The following MTERF4 variants were observed in gnomAD, a reference collection of about 807,000 sequenced individuals.
The protein encoded by MTERF4 is transcription termination factor 4, mitochondrial.
A neutral mutation model predicts 22.5 loss-of-function variants in MTERF4; 17 were observed. The observed-to-expected ratio is 0.75, with a 90% CI of 0.52 to 1.13. MTERF4 has a LOEUF of 1.13. Ranked by LOEUF, MTERF4 falls within the 50% of genes most tolerant of loss-of-function variation. The pLI is 0.00. For missense variants in MTERF4, 420 were observed against 466.8 expected (o/e 0.90, Z 0.92); for synonymous variants, 165 against 175.3 (o/e 0.94, Z 0.47).
chr2:241,082,226 A>T (rs568192989), downstream of MTERF4: 45 of 1,461,276 alleles, frequency 3.1e-5, no homozygotes, highest in South Asian at 5.1e-4. Context: ...CAAGAGGGGC[A>T]GGAGGAGCCG....
chr2:241,061,661 C>T, the MTERF4 span, among the ~76,000 whole-genome samples: 2,282 of 152,018 alleles, frequency 0.015, 68 homozygotes, highest in African/African-American at 0.051. Context: ...CTGAGGCAGG[C>T]GGATCACGAA....
chr2:241,050,688 T>C, the MTERF4 span, among the ~76,000 whole-genome samples: 1 of 152,186 alleles, frequency 6.6e-6, no homozygotes, highest in South Asian at 2.1e-4. Flanking sequence ...ACTGCTTGGT[T>C]CTTTGCAAGC....
At chr2:241,090,294 C>T, downstream of MTERF4, 2 of 1,548,714 alleles carry the variant, frequency 1.3e-6, no homozygotes, top group South Asian at 1.2e-5. Context: ...GCAGGATCAT[C>T]CATGTCACCT....
downstream of MTERF4, chr2:241,093,659 T>C (rs575107798): frequency 3.3e-5 from 5 of 152,296 alleles, no homozygotes; most frequent in South Asian, 1.0e-3. Context: ...GGCTCCTGAG[T>C]CCCAAGTGCT....
At chr2:241,051,801 C>T in the MTERF4 span, 11 of 1,560,748 alleles carry the variant, frequency 7.0e-6, no homozygotes, top group African/African-American at 5.4e-5. This position sits in a 1 kb window ranked among gnomAD's most constrained non-coding sequence, Gnocchi z 4.7. Flanking sequence ...TGCAAGGAGG[C>T]GGGCGGCGAG....
chr2:241,090,739 C>T (rs1273320873), downstream of MTERF4, among the ~76,000 whole-genome samples: 2 of 152,030 alleles, frequency 1.3e-5, no homozygotes, highest in Admixed American at 6.6e-5. Flanking sequence ...TGGTGGTGGG[C>T]ACCTGTAATC....
exon 5 of MTERF4, chr2:241,072,505 G>T: frequency 2.9e-6 from 1 of 340,182 alleles, no homozygotes; most frequent in Admixed American, 4.2e-5. Flanking sequence ...AAGGCCAGGT[G>T]GTCATCCTCA....
chr2:241,053,193 A>G, the MTERF4 span: 3 of 1,611,074 alleles, frequency 1.9e-6, no homozygotes, highest in African/African-American at 1.3e-5. Context: ...AGCACGCCAC[A>G]CTGCGCTTCA....
Position 241,073,117 on chromosome 2 carries a change from C to G in MTERF4, n.3045G>C. 1.6e-6 allele frequency: 1 copy of G among 610,226 alleles called. No individual in the cohort carries two copies. The highest frequency in any genetic ancestry group is 2.8e-5 in the East Asian group (1 of 35,950). 37.8% of individuals were successfully genotyped at this position (610,226 alleles called of 1,614,324 possible). On this transcript the variant is annotated non_coding_transcript_exon_variant, in exon 5 of 5. Transcript: ENST00000464344. This position sits in a 1 kb window ranked among gnomAD's most constrained non-coding sequence, Gnocchi z 6.6. ...CCCTTCAGGGGAGGCAGCTCTGGGG[C>G]CGACAGGTGCTGGGGCCACGCAGGG... is the stretch of plus-strand genomic sequence containing the variant.
At chr2:241,081,674 C>A in intron 4 of MTERF4, 1 of 1,592,422 alleles carries the variant, frequency 6.3e-7, no homozygotes, top group East Asian at 2.3e-5. Context: ...CCTCTGTTTC[C>A]AGACGTCCCT....
chr2:241,047,093 C>T, the MTERF4 span, among the ~76,000 whole-genome samples: 15 of 144,966 alleles, frequency 1.0e-4, no homozygotes, highest in Non-Finnish European at 8.9e-5. Context: ...TGCAGTGAGC[C>T]GAGATCGCGC....
downstream of MTERF4, among the ~76,000 whole-genome samples, chr2:241,083,633 C>T (rs970726584): frequency 3.3e-5 from 5 of 152,200 alleles, no homozygotes; most frequent in African/African-American, 1.2e-4. Flanking sequence ...TCCGAATCCA[C>T]AGTATCTGCC....
the MTERF4 span, among the ~76,000 whole-genome samples, chr2:241,044,880 G>A: frequency 5.6e-3 from 853 of 152,234 alleles, 7 homozygotes; most frequent in African/African-American, 0.019. Flanking sequence ...AATAAAAGCC[G>A]CAGCGTTTTT....
At chr2:241,065,490 G>A in the MTERF4 span, 7 of 1,612,852 alleles carry the variant, frequency 4.3e-6, no homozygotes, top group Admixed American at 1.0e-4. Context: ...CCAGCTCCAG[G>A]CCCTGGCGGC....
At chr2:241,062,798 T>C in the MTERF4 span, 11 of 1,608,728 alleles carry the variant, frequency 6.8e-6, no homozygotes, top group African/African-American at 6.7e-5. Flanking sequence ...CAGAAATCGA[T>C]GAGTGCCGGT....
At chr2:241,064,079 C>A in the MTERF4 span, 1 of 1,570,158 alleles carries the variant, frequency 6.4e-7, no homozygotes. The surrounding 1 kb of genome is among the most constrained non-coding windows in gnomAD (Gnocchi z 7.0). Flanking sequence ...GCGGGGCCTA[C>A]CTGTGCGTCT....
the MTERF4 span, among the ~76,000 whole-genome samples, chr2:241,061,835 G>A: frequency 1.4e-5 from 2 of 147,640 alleles, no homozygotes; most frequent in Admixed American, 6.8e-5. Flanking sequence ...CCTGGGCAAC[G>A]AGCGAAACTC....
At chr2:241,064,203 TGCCC>T in the MTERF4 span, 1 of 945,164 alleles carries the variant, frequency 1.1e-6, no homozygotes, top group Non-Finnish European at 1.5e-6. The surrounding 1 kb of genome is among the most constrained non-coding windows in gnomAD (Gnocchi z 7.0). Context: ...GCCCGCCCTC[TGCCC>T]GCCTGCTCCC....
downstream of MTERF4, chr2:241,090,526 A>G (rs1426883420): frequency 9.1e-6 from 13 of 1,435,422 alleles, no homozygotes; most frequent in Non-Finnish European, 1.2e-5. Flanking sequence ...TATGTACTCT[A>G]CATAATTGTA....
Sources: gnomAD v4.1 joint callset for allele counts (sites outside exome capture counted in the v4.1 genomes callset) on GRCh38, gnomAD v4.1.1 for gene constraint, Gnocchi (gnomAD v3.1) non-coding constraint, MANE v1.5 for transcripts, NCBI Gene and HGNC (gene_info 2026-07-23, HGNC 2026-07-21) for gene names.